Variants in TFEC observed in about 807,000 individuals in gnomAD.
The protein encoded by TFEC is class E basic helix-loop-helix protein 34.
TFEC carries 31 observed loss-of-function variants against 41.6 expected under a neutral mutation model. The observed-to-expected ratio is 0.74, with a 90% confidence interval of 0.56 to 1.01. The LOEUF (loss-of-function observed/expected upper bound fraction) is 1.01. TFEC is among the 50% of genes least tolerant of loss of function. The pLI is 0.00. For synonymous variants in TFEC, 143 were observed against 140.6 expected, an observed-to-expected ratio of 1.02 and a Z score of -0.12; for missense variants, 402 against 404.1, an observed-to-expected ratio of 0.99 and a Z score of 0.04.
At chr7:116,079,526 T>C (rs1797040085) in intron 3 of TFEC, among the ~76,000 whole-genome samples, 1 of 152,086 alleles carries the variant, frequency 6.6e-6, no homozygotes. Flanking sequence ...ATTTCTCCTA[T>C]ATACCAACAG....
At chr7:116,032,776 C>T (rs1795818768), upstream of TFEC, among the ~76,000 whole-genome samples, 1 of 152,062 alleles carries the variant, frequency 6.6e-6, no homozygotes, top group Admixed American at 6.6e-5. Context: ...TACAGCAAAC[C>T]CCCATGACAC....
At position 116,123,644 on chromosome 7, in the gene TFEC, T is replaced by C. The variant is rs79959606; in HGVS notation, c.-68-11606A>G. ...TGACTGCCCACTGGGTACTTTTCTT[T>C]ATTGATGCTTCACCACACTCAAATC... On this transcript the variant is annotated intron_variant, in intron 1 of 8. Coordinates refer to the TFEC transcript ENST00000484212. Among the ~76,000 whole-genome samples, 591 of 152,248 alleles carry C rather than the reference T, an allele frequency of 3.9e-3. 5 individuals are homozygous for C. The highest frequency in any genetic ancestry group is 0.014 in the African/African-American group (570 of 41,566).
At chr7:116,032,745 T>A (rs1584427459), upstream of TFEC, among the ~76,000 whole-genome samples, 1 of 152,046 alleles carries the variant, frequency 6.6e-6, no homozygotes, top group South Asian at 2.1e-4. Flanking sequence ...AGGCTTAATA[T>A]CTGGGTGACA....
chr7:115,984,227 G>T, intron 2 of TFEC, 35 bp downstream of exon 2: 3 of 1,593,126 alleles, frequency 1.9e-6, no homozygotes, highest in South Asian at 1.1e-5. Context: ...TTCAAAAACT[G>T]ATGATATATT....
At chr7:116,056,332 A>T (rs1796430068) in intron 3 of TFEC, among the ~76,000 whole-genome samples, 1 of 152,150 alleles carries the variant, frequency 6.6e-6, no homozygotes, top group Admixed American at 6.6e-5. Context: ...TTGGGAGACT[A>T]GGTAGCTAGA....
intron 3 of TFEC, among the ~76,000 whole-genome samples, chr7:115,973,366 A>G (rs1793222247): frequency 6.6e-6 from 1 of 152,032 alleles, no homozygotes; most frequent in Admixed American, 6.6e-5. Context: ...TCCACAACTC[A>G]ATATAGTCAG....
chr7:116,118,829 T>C (rs1377509434), intron 1 of TFEC, among the ~76,000 whole-genome samples: 1 of 151,832 alleles, frequency 6.6e-6, no homozygotes, highest in Non-Finnish European at 1.5e-5. Flanking sequence ...GAATGCAGAT[T>C]CTCTGGAGGT....
intron 3 of TFEC, among the ~76,000 whole-genome samples, chr7:116,079,797 C>T (rs1279924017): frequency 6.6e-6 from 1 of 152,034 alleles, no homozygotes; most frequent in Non-Finnish European, 1.5e-5. Flanking sequence ...ATCAAAATAC[C>T]ATCAGCATTC....
rs185486497 is a variant in TFEC, at chr7:115,993,756, A to G, written c.-72-9243T>C. ...CCATGCTCGTGGATAGGAAGAATCA[A>G]TATCGTGAAAATGGCCATACTGCCC... On this transcript the variant is annotated intron_variant, in intron 1 of 7. Transcript: ENST00000265440. Among the ~76,000 whole-genome samples the G allele has an allele frequency of 9.5e-3, 1,442 of 152,340 alleles. 14 individuals are homozygous for G. The highest frequency in any genetic ancestry group is 0.017 in the Non-Finnish European group (1,140 of 68,034).
intron 3 of TFEC, among the ~76,000 whole-genome samples, chr7:116,105,016 C>G (rs943498451): frequency 4.6e-5 from 7 of 152,136 alleles, no homozygotes; most frequent in Non-Finnish European, 8.8e-5. Context: ...TTAATATCCT[C>G]TATATACATC....
intron 6 of TFEC, among the ~76,000 whole-genome samples, chr7:115,949,295 A>G (rs1165978435): frequency 2.0e-5 from 3 of 152,070 alleles, no homozygotes; most frequent in African/African-American, 4.8e-5. Context: ...TACAGATTCA[A>G]TGCCATCCCC....
At chr7:115,960,268 G>A (rs1030858363) in intron 3 of TFEC, among the ~76,000 whole-genome samples, 6 of 151,368 alleles carry the variant, frequency 4.0e-5, no homozygotes, top group African/African-American at 1.2e-4. Flanking sequence ...AAAATAAAAC[G>A]AAGTTTTATA....
chr7:116,120,228 T>C (rs1371746606), intron 1 of TFEC: 2 of 151,958 alleles, frequency 1.3e-5, no homozygotes, highest in Non-Finnish European at 2.9e-5. Context: ...GATGGGCTGC[T>C]ATTCCATATA....
chr7:116,073,092 TAAAG>T (rs1250700783), intron 3 of TFEC, among the ~76,000 whole-genome samples: 1 of 151,616 alleles, frequency 6.6e-6, no homozygotes, highest in East Asian at 1.9e-4. Flanking sequence ...TAGAAAATCT[TAAAG>T]AATTCACTGG....
chr7:116,045,096 T>C (rs538688461), intron 3 of TFEC, among the ~76,000 whole-genome samples: 25 of 152,002 alleles, frequency 1.6e-4, no homozygotes, highest in African/African-American at 5.5e-4. Context: ...CAGGCAGAGG[T>C]TGGAACAGTT....
chr7:116,148,347 G>A (rs922141182), intron 1 of TFEC, among the ~76,000 whole-genome samples: 1 of 152,192 alleles, frequency 6.6e-6, no homozygotes, highest in African/African-American at 2.4e-5. Context: ...TATGGGTGGG[G>A]TGAAGGGTGA....
chr7:116,112,670 A>G (rs993186011), intron 1 of TFEC, among the ~76,000 whole-genome samples: 1 of 152,022 alleles, frequency 6.6e-6, no homozygotes, highest in Non-Finnish European at 1.5e-5. Context: ...GGAGCAATGG[A>G]TATATGTATA....
intron 1 of TFEC, among the ~76,000 whole-genome samples, chr7:116,130,496 G>A (rs1798311135): frequency 6.6e-6 from 1 of 152,200 alleles, no homozygotes; most frequent in Admixed American, 6.5e-5. Flanking sequence ...TAAGAGACAA[G>A]TGGTCAGAAT....
chr7:116,015,902 G>A (rs1795170047), intron 1 of TFEC, among the ~76,000 whole-genome samples: 1 of 152,158 alleles, frequency 6.6e-6, no homozygotes, highest in Non-Finnish European at 1.5e-5. Flanking sequence ...CAGCTAAGAT[G>A]TGCAGATTTA....
Sources: gnomAD v4.1 joint callset for allele counts (sites outside exome capture counted in the v4.1 genomes callset) on GRCh38, gnomAD v4.1.1 for gene constraint, MANE v1.5 for transcripts, NCBI Gene and HGNC (gene_info 2026-07-23, HGNC 2026-07-21) for gene names.